WNT7A: variants seen among roughly 807,000 people sequenced by gnomAD.
WNT7A encodes protein Wnt-7a.
Under a neutral mutation model 28.2 loss-of-function variants are expected in WNT7A, and 16 were observed. The observed-to-expected ratio is 0.57, with a 90% CI of 0.38 to 0.86. The LOEUF (loss-of-function observed/expected upper bound fraction) is 0.86. Among genes scored for constraint, WNT7A ranks in the 40% least tolerant of loss-of-function variants. WNT7A has a pLI of 0.00. For missense variants in WNT7A, 411 were observed against 489.7 expected (o/e 0.84, Z 1.52); for synonymous variants, 190 against 195.9 (o/e 0.97, Z 0.25).
At position 13,879,646 on chromosome 3, in the gene WNT7A, T is replaced by G. The variant is rs113872063; in HGVS notation, c.71+100A>C. On this transcript the variant is annotated intron_variant, in intron 1 of 3. Transcript: ENST00000285018. ...CCCACCCGGCCTCTCAGAGAAGCTG[T>G]GGAAGTTGGCCGGCAGAGGCTCGCA... 3,319 of 1,347,336 alleles carry G rather than the reference T, an allele frequency of 2.5e-3. 76 individuals carry two copies. In the African/African-American group the frequency reaches 0.042, roughly 17 times the overall value. 83.5% of individuals were successfully genotyped at this position (1,347,336 alleles called of 1,614,324 possible). A position where few individuals can be genotyped will look rare whatever the true frequency, so the allele number is the denominator to read the frequency against.
At chr3:13,819,484 C>A (rs1373762728) in intron 3 of WNT7A, 61 bp from the exon 4 acceptor site, 2 of 1,557,348 alleles carry the variant, frequency 1.3e-6, no homozygotes, top group East Asian at 2.3e-5. Context: ...CCAAGTGCAG[C>A]CCCCAGCTCC....
rs1260144882 is a variant in WNT7A, at chr3:13,872,878, C to T, written c.298+2069G>A. On this transcript the variant is annotated intron_variant, in intron 2 of 3. Coordinates refer to ENST00000285018, the MANE Select transcript of WNT7A (RefSeq NM_004625.4). ...CGGGAATGAACCCAGTCCTGAGAGG[C>T]CCTGCCACTCATTTGACTTGACTTC... 2.6e-5 allele frequency among the ~76,000 whole-genome samples: 4 copies of T among 152,170 alleles called. No homozygotes were observed. The East Asian group carries it at 7.7e-4, about 29-fold the overall frequency.
intron 3 of WNT7A, among the ~76,000 whole-genome samples, chr3:13,841,404 C>G (rs1170033333): frequency 6.6e-6 from 1 of 152,200 alleles, no homozygotes; most frequent in East Asian, 1.9e-4. Flanking sequence ...GCCTCTGGAG[C>G]TGGACTGCCT....
intron 2 of WNT7A, among the ~76,000 whole-genome samples, chr3:13,864,591 C>A (rs1575072472): frequency 6.6e-6 from 1 of 152,170 alleles, no homozygotes; most frequent in Non-Finnish European, 1.5e-5. Flanking sequence ...CACCAGATAG[C>A]AAGTGCCCCA....
rs142413909 is a variant in WNT7A at position 13,875,165 on chromosome 3, G to T, written c.80C>A (p.Ser27Tyr). ...GCTTGCGCCCAGAGCTACCACTGAG[G>T]AGAAGCCACTGGAGGGAGAGACACA... is the stretch of plus-strand genomic sequence containing the variant. Reference protein sequence around the residue: ...GMVYLRIGGFSSVVALGASII... With the variant: ...GMVYLRIGGFYSVVALGASII... Residue 27 changes from serine to tyrosine, a missense_variant, in exon 2 of 4, where the codon TCC (serine) becomes TAC (tyrosine). By Grantham distance (144) the Ser-to-Tyr change is moderately radical. Transcript: ENST00000285018. 8 of 1,613,942 alleles carry T rather than the reference G, an allele frequency of 5.0e-6. No homozygotes were observed. Among genetic ancestry groups the T allele is most frequent in the Non-Finnish European group, 5.9e-6 (7 of 1,180,026 alleles).
At chr3:13,876,980 G>T (rs1296146519) in intron 1 of WNT7A, 2 of 152,134 alleles carry the variant, frequency 1.3e-5, no homozygotes, top group East Asian at 3.9e-4. Context: ...TTGATCACTT[G>T]TCTTCCTCCT....
intron 3 of WNT7A, among the ~76,000 whole-genome samples, chr3:13,821,179 A>G (rs752397922): frequency 6.6e-6 from 1 of 152,220 alleles, no homozygotes; most frequent in Non-Finnish European, 1.5e-5. Context: ...TTGGGGGCAG[A>G]GTGAGGCAGG....
Position 13,816,704 on chromosome 3 carries a change from C to T in WNT7A, c.*2240G>A, listed in dbSNP as rs1031235662. ...TCATCAACCCACCCTCATCCACCCACCCACTTTCCTAGCTATTCATCCATT... is the reference window on the plus strand; with the variant it reads ...TCATCAACCCACCCTCATCCACCCATCCACTTTCCTAGCTATTCATCCATT... On this transcript the variant is annotated 3_prime_UTR_variant, in exon 4 of 4. Transcript: ENST00000285018. 1.3e-5 allele frequency: 2 copies of T among 152,218 alleles called. No individual in the cohort carries two copies. The highest frequency in any genetic ancestry group is 4.8e-5 in the African/African-American group (2 of 41,408). 9.4% of individuals were successfully genotyped at this position (152,218 alleles called of 1,614,324 possible). A position where few individuals can be genotyped will look rare whatever the true frequency, so the allele number is the denominator to read the frequency against.
intron 2 of WNT7A, among the ~76,000 whole-genome samples, chr3:13,871,099 T>C (rs1359143464): frequency 3.9e-5 from 6 of 152,232 alleles, no homozygotes; most frequent in Non-Finnish European, 5.9e-5. Flanking sequence ...CCAGCTTCCC[T>C]TGCAGCTAGA....
chr3:13,830,699 T>C (rs1694268345), intron 3 of WNT7A, among the ~76,000 whole-genome samples: 1 of 152,144 alleles, frequency 6.6e-6, no homozygotes, highest in Non-Finnish European at 1.5e-5. Flanking sequence ...CCACAGCGCC[T>C]GCCAGGAGGC....
intron 2 of WNT7A, among the ~76,000 whole-genome samples, chr3:13,858,272 C>G (rs1411244661): frequency 6.6e-6 from 1 of 152,196 alleles, no homozygotes; most frequent in African/African-American, 2.4e-5. Context: ...CGAATCAAGG[C>G]GGGGCAGAAA....
At chr3:13,857,778 G>C (rs148287905) in intron 2 of WNT7A, among the ~76,000 whole-genome samples, 1,599 of 152,276 alleles carry the variant, frequency 0.011, 13 homozygotes, top group Non-Finnish European at 0.018. Flanking sequence ...TGAGAGAAAA[G>C]GACAATCAGA....
In WNT7A at chr3:13,875,103, G is replaced by A. The variant is rs746365801; in HGVS notation, c.142C>T (p.Gln48Ter). The change falls in exon 2 of 4, where the codon CAG becomes TAG. Residue 48 changes from glutamine to a stop codon, truncating the protein, a stop_gained. Transcript: ENST00000285018. LOFTEE classifies it high-confidence loss of function. ...CNKIPGLAPR[Q>*]RAICQSRPDA... is the part of the protein sequence containing the mutation. ...GGCCGGCTCTGGCAGATCGCCCGCT[G>A]TCTGGGAGCCAGGCCTGGGATCTTG... 6.2e-7 allele frequency: 1 copy of A among 1,614,234 alleles called. No homozygotes were observed. The highest frequency in any genetic ancestry group is 1.1e-5 in the South Asian group (1 of 91,084).
chr3:13,875,513 C>T (rs1015649482), intron 1 of WNT7A, among the ~76,000 whole-genome samples: 1 of 152,000 alleles, frequency 6.6e-6, no homozygotes, highest in Middle Eastern at 3.2e-3. Context: ...AGATGAAGTT[C>T]AAAAACATGC....
In WNT7A at chr3:13,834,062, C is replaced by T. The variant is rs527514439; in HGVS notation, c.571-14639G>A. Among the ~76,000 whole-genome samples, 157 of 152,334 alleles carry T rather than the reference C, an allele frequency of 1.0e-3. 1 individual carries two copies. The highest frequency in any genetic ancestry group is 1.8e-3 in the Non-Finnish European group (124 of 68,036). On this transcript the variant is annotated intron_variant, in intron 3 of 3. Coordinates refer to ENST00000285018, the MANE Select transcript of WNT7A (RefSeq NM_004625.4). The stretch of plus-strand genomic sequence containing the variant: ...CCAATGGTGGCCCTGAAGGAAAGCG[C>T]AAACTTGCTCCCGTTCCTGTGGTCA...
intron 3 of WNT7A, among the ~76,000 whole-genome samples, chr3:13,852,440 T>C (rs1694653405): frequency 6.6e-6 from 1 of 152,194 alleles, no homozygotes; most frequent in African/African-American, 2.4e-5. Flanking sequence ...GGAGGGGGCT[T>C]CTGGGGTGGG....
At chr3:13,848,653 C>G (rs1694577663) in intron 3 of WNT7A, among the ~76,000 whole-genome samples, 1 of 152,068 alleles carries the variant, frequency 6.6e-6, no homozygotes, top group Non-Finnish European at 1.5e-5. Context: ...AATGACACAC[C>G]CACTCTCCCA....
chr3:13,820,158 G>A (rs545969416), intron 3 of WNT7A, among the ~76,000 whole-genome samples: 1 of 152,206 alleles, frequency 6.6e-6, no homozygotes, highest in East Asian at 1.9e-4. Flanking sequence ...AGCTCCTACT[G>A]TGTACAGGCA....
At chr3:13,833,222 C>T (rs148550897) in intron 3 of WNT7A, among the ~76,000 whole-genome samples, 3 of 152,320 alleles carry the variant, frequency 2.0e-5, no homozygotes, top group African/African-American at 7.2e-5. Context: ...CACTCTTACG[C>T]CTGTGCGCAC....
Sources: gnomAD v4.1 joint callset for allele counts (sites outside exome capture counted in the v4.1 genomes callset) on GRCh38, gnomAD v4.1.1 for gene constraint, MANE v1.5 for transcripts, NCBI Gene and HGNC (gene_info 2026-07-23, HGNC 2026-07-21) for gene names.